The following EML4 variants were observed in gnomAD, a reference collection of about 807,000 sequenced individuals.
EML4 encodes the protein EMAP like 4, also known as echinoderm microtubule-associated protein-like 4.
A neutral mutation model predicts 129.0 loss-of-function variants in EML4; 72 were observed. The observed-to-expected ratio is 0.56, with a 90% CI of 0.46 to 0.68. EML4 has a LOEUF of 0.68. Ranked by LOEUF, EML4 falls within the 30% of genes least tolerant of loss-of-function variation. The probability of loss-of-function intolerance (pLI) is 0.00; values close to 1 mark genes in which losing one functional copy is unlikely to be tolerated. For missense variants in EML4, 1,363 were observed against 1,190.6 expected (o/e 1.14, Z -2.13); for synonymous variants, 532 against 405.0 (o/e 1.31, Z -3.77).
intron 17 of EML4, among the ~76,000 whole-genome samples, chr2:42,315,263 C>T (rs1317771767): frequency 6.6e-6 from 1 of 152,142 alleles, no homozygotes; most frequent in Non-Finnish European, 1.5e-5. Flanking sequence ...CTATGAGTTC[C>T]TCTGTTATAT....
Position 42,281,209 on chromosome 2 carries a change from T to C in EML4, c.791+236T>C, listed in dbSNP as rs1666985632. On this transcript the variant is annotated intron_variant, in intron 7 of 22. Coordinates refer to ENST00000318522, the MANE Select transcript of EML4 (RefSeq NM_019063.5). ...TAGTTCAAGACCAGCCTAGTCAACA[T>C]TGTGAAACCCCATCTCTACTAAAGA... Among the ~76,000 whole-genome samples, 4 of 151,982 alleles carry C rather than the reference T, an allele frequency of 2.6e-5. No homozygotes were observed. In the South Asian group the frequency reaches 8.3e-4, roughly 31 times the overall value.
chr2:42,282,765 A>C (rs986540967), intron 7 of EML4, 58 bp from the exon 8 acceptor site: 1 of 1,470,780 alleles, frequency 6.8e-7, no homozygotes, highest in African/African-American at 1.4e-5. Flanking sequence ...TCCATGAAAA[A>C]TCTGTTAACA....
intron 3 of EML4, among the ~76,000 whole-genome samples, chr2:42,257,501 A>C (rs1296210487): frequency 6.6e-6 from 1 of 152,192 alleles, no homozygotes; most frequent in Non-Finnish European, 1.5e-5. Context: ...GTTGATGACA[A>C]GAATGTTGAA....
chr2:42,325,602 T>TTATATTTATATATATATATATA (rs1669753079), intron 20 of EML4, 48 bp downstream of exon 20: 1 of 124,280 alleles, frequency 8.0e-6, no homozygotes, highest in Non-Finnish European at 1.7e-5. Context: ...ATGATTATAT[T>TTATATTTATATATATATATATA]TATATATATA....
intron 1 of EML4, among the ~76,000 whole-genome samples, chr2:42,221,996 G>T (rs926602381): frequency 6.6e-6 from 1 of 152,014 alleles, no homozygotes; most frequent in Admixed American, 6.5e-5. Context: ...TGGTCCCAAC[G>T]TGCTGGGATT....
At chr2:42,212,292 TG>T (rs1338264459) in intron 1 of EML4, among the ~76,000 whole-genome samples, 1 of 152,232 alleles carries the variant, frequency 6.6e-6, no homozygotes, top group Non-Finnish European at 1.5e-5. Context: ...ATTTCTAATT[TG>T]TATTTTACTT....
chr2:42,246,932 A>T (rs916601418), intron 2 of EML4, among the ~76,000 whole-genome samples: 3 of 152,250 alleles, frequency 2.0e-5, no homozygotes. Flanking sequence ...TGCAAATCAA[A>T]TACCAGTATT....
chr2:42,187,190 C>T (rs1671307068), intron 1 of EML4, among the ~76,000 whole-genome samples: 2 of 151,772 alleles, frequency 1.3e-5, no homozygotes, highest in Non-Finnish European at 2.9e-5. Flanking sequence ...ACTATAGGCA[C>T]ACACCACCGT....
chr2:42,292,753 A>G (rs985194211), intron 11 of EML4, among the ~76,000 whole-genome samples: 1 of 152,150 alleles, frequency 6.6e-6, no homozygotes, highest in Non-Finnish European at 1.5e-5. Context: ...GCATATATAT[A>G]TGTATATAAA....
chr2:42,173,674 C>T (rs1350025908), intron 1 of EML4, among the ~76,000 whole-genome samples: 3 of 152,002 alleles, frequency 2.0e-5, no homozygotes, highest in Non-Finnish European at 4.4e-5. Flanking sequence ...CATAGCAAGA[C>T]CCTGTCTCTG....
intron 11 of EML4, among the ~76,000 whole-genome samples, chr2:42,291,777 A>AC (rs1219956867): frequency 6.6e-6 from 1 of 152,178 alleles, no homozygotes; most frequent in Non-Finnish European, 1.5e-5. Context: ...CATATTCTGA[A>AC]TATATAAGCA....
intron 1 of EML4, among the ~76,000 whole-genome samples, chr2:42,194,335 TTC>T (rs1175257729): frequency 1.6e-5 from 2 of 126,106 alleles, no homozygotes; most frequent in Non-Finnish European, 3.4e-5. Context: ...TATTTTTCAC[TTC>T]TCTCTCTCTC....
intron 17 of EML4, among the ~76,000 whole-genome samples, chr2:42,313,183 C>T (rs992458014): frequency 4.6e-5 from 7 of 151,794 alleles, no homozygotes; most frequent in African/African-American, 1.7e-4. Flanking sequence ...GTCTCGATCT[C>T]CTGACCTCGT....
chr2:42,185,780 T>G (rs572079535), intron 1 of EML4, among the ~76,000 whole-genome samples: 2 of 152,258 alleles, frequency 1.3e-5, no homozygotes, highest in Non-Finnish European at 2.9e-5. Flanking sequence ...TTGCTCGTAC[T>G]GGGGAGAATG....
chr2:42,177,178 T>G (rs929466261), intron 1 of EML4, among the ~76,000 whole-genome samples: 2 of 152,132 alleles, frequency 1.3e-5, no homozygotes, highest in Admixed American at 6.5e-5. Flanking sequence ...GGAGATTTCA[T>G]GATCCAGTAA....
Position 42,301,234 on chromosome 2 carries a change from A to T in EML4, c.1490-7A>T. ...TCACTAGTGTTTTTATTTTTCCCTCATATTAGGTGTATATCAAATCAGCAA... is the reference window on the plus strand; with the variant it reads ...TCACTAGTGTTTTTATTTTTCCCTCTTATTAGGTGTATATCAAATCAGCAA... On this transcript the variant is annotated splice_polypyrimidine_tract_variant and splice_region_variant and intron_variant, in intron 13 of 22. Transcript: ENST00000318522. The T allele has an allele frequency of 6.2e-7, 1 of 1,603,284 alleles. No homozygotes were observed. Among genetic ancestry groups the T allele is most frequent in the Non-Finnish European group, 8.5e-7 (1 of 1,176,136 alleles).
chr2:42,305,290 A>G (rs1349733437), intron 17 of EML4, among the ~76,000 whole-genome samples: 2 of 152,258 alleles, frequency 1.3e-5, no homozygotes, highest in Admixed American at 1.3e-4. Flanking sequence ...GAAAATGTTA[A>G]GAACCATGTG....
chr2:42,261,830 C>G (rs1184867827), intron 4 of EML4, among the ~76,000 whole-genome samples: 2 of 152,036 alleles, frequency 1.3e-5, no homozygotes, highest in Admixed American at 1.3e-4. Flanking sequence ...CTTTTCTATG[C>G]TAAAGGCTTG....
At chr2:42,191,842 C>T (rs541874818) in intron 1 of EML4, among the ~76,000 whole-genome samples, 34 of 151,962 alleles carry the variant, frequency 2.2e-4, no homozygotes, top group African/African-American at 7.5e-4. Context: ...GGCGGATCAC[C>T]TGAGGTCAAT....
Sources: allele counts gnomAD v4.1 joint callset (sites outside exome capture counted in the v4.1 genomes callset), GRCh38; gene constraint gnomAD v4.1.1; transcripts MANE v1.5; gene names NCBI Gene and HGNC (gene_info 2026-07-23, HGNC 2026-07-21).